PCMTD1: variants seen among roughly 807,000 people sequenced by gnomAD.
The protein encoded by PCMTD1 is protein-L-isoaspartate O-methyltransferase domain-containing protein 1.
A neutral mutation model predicts 37.6 loss-of-function variants in PCMTD1; 12 were observed. The ratio of observed to expected loss-of-function variants is 0.32; its 90% CI spans 0.20 to 0.52. PCMTD1 has a LOEUF of 0.52. Among genes scored for constraint, PCMTD1 ranks in the 20% least tolerant of loss-of-function variants. The pLI is 0.97. For synonymous variants in PCMTD1, 117 were observed against 135.8 expected, an observed-to-expected ratio of 0.86 and a Z score of 0.96; for missense variants, 235 against 421.3, an observed-to-expected ratio of 0.56 and a Z score of 3.87.
intron 3 of PCMTD1, among the ~76,000 whole-genome samples, chr8:51,844,420 A>G (rs2038189577): frequency 2.6e-5 from 4 of 152,172 alleles, no homozygotes; most frequent in African/African-American, 9.7e-5. Flanking sequence ...GCATTTCCCA[A>G]CTGCCCCATG....
chr8:51,887,401 A>G (rs2038879091), intron 1 of PCMTD1, among the ~76,000 whole-genome samples: 1 of 152,224 alleles, frequency 6.6e-6, no homozygotes, highest in Non-Finnish European at 1.5e-5. Context: ...ATACAGGTGA[A>G]GAAACAATAT....
chr8:51,827,194 T>C (rs1305502489), intron 5 of PCMTD1: 5 of 1,138,858 alleles, frequency 4.4e-6, no homozygotes, highest in East Asian at 6.4e-5. Flanking sequence ...AATATTACTA[T>C]ATGAAGCTTT....
intron 1 of PCMTD1, among the ~76,000 whole-genome samples, chr8:51,886,897 G>T (rs1254263772): frequency 6.6e-6 from 1 of 151,964 alleles, no homozygotes; most frequent in African/African-American, 2.4e-5. Context: ...TGGGGAGACT[G>T]TTCCTTTCTG....
chr8:51,833,987 A>G (rs1454687717), intron 3 of PCMTD1, among the ~76,000 whole-genome samples: 1 of 152,122 alleles, frequency 6.6e-6, no homozygotes, highest in African/African-American at 2.4e-5. Context: ...CAACCTCAAT[A>G]TTGTGACACC....
At chr8:51,829,967 C>T (rs2037976626) in intron 5 of PCMTD1, among the ~76,000 whole-genome samples, 2 of 152,016 alleles carry the variant, frequency 1.3e-5, no homozygotes, top group Admixed American at 1.3e-4. Context: ...AGAATTTTAC[C>T]TCATGGTTAA....
At chr8:51,826,814 T>C (rs2037927529) in intron 5 of PCMTD1, 8 of 643,126 alleles carry the variant, frequency 1.2e-5, no homozygotes, top group African/African-American at 1.2e-4. Flanking sequence ...CTTTAAACAA[T>C]GCATCTTTCT....
At chr8:51,856,314 ATAC>A (rs1563348930) in intron 2 of PCMTD1, among the ~76,000 whole-genome samples, 1 of 152,174 alleles carries the variant, frequency 6.6e-6, no homozygotes, top group Non-Finnish European at 1.5e-5. Context: ...CCACAATGAA[ATAC>A]TACTTTATAT....
At chr8:51,841,472 T>C (rs2038146145) in intron 3 of PCMTD1, among the ~76,000 whole-genome samples, 2 of 152,204 alleles carry the variant, frequency 1.3e-5, no homozygotes, top group Admixed American at 1.3e-4. Flanking sequence ...ATAGGATCTA[T>C]TGGCCTAATT....
chr8:51,893,158 A>T (rs1226754872), intron 1 of PCMTD1, among the ~76,000 whole-genome samples: 1 of 152,184 alleles, frequency 6.6e-6, no homozygotes, highest in Non-Finnish European at 1.5e-5. Context: ...TTAACATTCC[A>T]AAAAGAAAAC....
chr8:51,844,532 T>C (rs748447830), intron 3 of PCMTD1, among the ~76,000 whole-genome samples: 5 of 152,160 alleles, frequency 3.3e-5, no homozygotes, highest in Admixed American at 6.6e-5. Context: ...ATCAGGTTTC[T>C]GTTCTTCAAC....
intron 1 of PCMTD1, among the ~76,000 whole-genome samples, chr8:51,877,001 C>T (rs545457885): frequency 6.6e-6 from 1 of 152,292 alleles, no homozygotes; most frequent in Admixed American, 6.5e-5. Flanking sequence ...AAAATAGTAA[C>T]TTCACAATGG....
At chr8:51,861,994 G>A (rs896579115) in intron 1 of PCMTD1, among the ~76,000 whole-genome samples, 2 of 152,152 alleles carry the variant, frequency 1.3e-5, no homozygotes, top group Admixed American at 6.5e-5. Context: ...GATAACAGGC[G>A]TAAGCCACGT....
chr8:51,889,512 C>T (rs2038908522), intron 1 of PCMTD1, among the ~76,000 whole-genome samples: 1 of 152,136 alleles, frequency 6.6e-6, no homozygotes, highest in South Asian at 2.1e-4. Context: ...TGACACCAAA[C>T]CCTGTGTCCC....
intron 1 of PCMTD1, among the ~76,000 whole-genome samples, chr8:51,879,542 G>C (rs924914123): frequency 2.6e-5 from 4 of 152,154 alleles, no homozygotes; most frequent in African/African-American, 9.7e-5. Context: ...ATAGGAAAAT[G>C]AAACTATGTG....
chr8:51,892,054 C>T (rs978402209), intron 1 of PCMTD1, among the ~76,000 whole-genome samples: 10 of 152,144 alleles, frequency 6.6e-5, no homozygotes, highest in Non-Finnish European at 1.0e-4. Flanking sequence ...CCATGAGGAG[C>T]AGACACAGAT....
intron 1 of PCMTD1, among the ~76,000 whole-genome samples, chr8:51,883,226 A>C (rs2038817751): frequency 6.6e-6 from 1 of 152,202 alleles, no homozygotes. Flanking sequence ...GCTAGATGGA[A>C]TAAAACCTAT....
In PCMTD1 at chr8:51,831,585, A is replaced by G. The variant is rs777371315; in HGVS notation, c.583-18T>C. Reference sequence around the variant, plus strand: ...TGTGTTAACTATTTAGAGAAAAAAAAGAAAGAAAGTGAACAACTTAATCCC... The same window carrying G: ...TGTGTTAACTATTTAGAGAAAAAAAGGAAAGAAAGTGAACAACTTAATCCC... On this transcript the variant is annotated intron_variant, in intron 4 of 5. Transcript: ENST00000522514. 1.9e-6 allele frequency: 3 copies of G among 1,600,830 alleles called. No homozygotes were observed. Among genetic ancestry groups the G allele is most frequent in the African/African-American group, 1.3e-5 (1 of 74,498 alleles).
chr8:51,829,381 T>C (rs1368298116), intron 5 of PCMTD1, among the ~76,000 whole-genome samples: 1 of 152,166 alleles, frequency 6.6e-6, no homozygotes, highest in Non-Finnish European at 1.5e-5. Context: ...CGGCTAGGCT[T>C]GTATGTTTCA....
chr8:51,842,805 T>G (rs1028873617), intron 3 of PCMTD1, among the ~76,000 whole-genome samples: 6 of 152,128 alleles, frequency 3.9e-5, no homozygotes, highest in African/African-American at 1.4e-4. Flanking sequence ...GGGGACTGAT[T>G]AAAAAAGATC....
Sources: gnomAD v4.1 joint callset for allele counts (sites outside exome capture counted in the v4.1 genomes callset) on GRCh38, gnomAD v4.1.1 for gene constraint, MANE v1.5 for transcripts, NCBI Gene and HGNC (gene_info 2026-07-23, HGNC 2026-07-21) for gene names.